DIP2B: variants seen among roughly 807,000 people sequenced by gnomAD.
DIP2B encodes disco-interacting protein 2 homolog B.
Under a neutral mutation model 198.0 loss-of-function variants are expected in DIP2B, and 76 were observed. The ratio of observed to expected loss-of-function variants is 0.38; its 90% confidence interval spans 0.32 to 0.46. The LOEUF (loss-of-function observed/expected upper bound fraction) is 0.46, where lower values mean the gene tolerates loss of function less well. Ranked by LOEUF, DIP2B falls within the 20% of genes least tolerant of loss-of-function variation. The pLI is 0.99. For synonymous variants in DIP2B, 701 were observed against 739.1 expected (o/e 0.95, Z 0.84); for missense variants, 1,559 against 1,978.4 (o/e 0.79, Z 4.02).
At chr12:50,632,518 T>C (rs906541087) in intron 2 of DIP2B, among the ~76,000 whole-genome samples, 32 of 147,880 alleles carry the variant, frequency 2.2e-4, no homozygotes, top group Non-Finnish European at 3.3e-4. Context: ...CACTACTGTC[T>C]TTTTATTTAT....
Position 50,744,568 on chromosome 12 carries a change from A to T in DIP2B, c.4479-19A>T. 1 of 1,610,000 alleles carries T rather than the reference A, an allele frequency of 6.2e-7. No individual in the cohort carries two copies. The highest frequency in any genetic ancestry group is 1.3e-5 in the African/African-American group (1 of 74,934). On this transcript the variant is annotated intron_variant, in intron 37 of 37. Transcript: ENST00000301180. The stretch of plus-strand genomic sequence containing the variant: ...GAAAAATGTAGTGACAAGTTAATGA[A>T]TTGTCATTGAAATTTCAGTGCCGTG...
intron 1 of DIP2B, among the ~76,000 whole-genome samples, chr12:50,551,388 A>C (rs938367503): frequency 6.6e-6 from 1 of 151,954 alleles, no homozygotes; most frequent in African/African-American, 2.4e-5. Context: ...AAGCCACTGC[A>C]CTCCACCCTG....
At position 50,723,185 on chromosome 12, in the gene DIP2B, G is replaced by A. The variant is rs769343537; in HGVS notation, c.3167-17G>A. The A allele has an allele frequency of 1.7e-5, 28 of 1,613,608 alleles. No individual in the cohort carries two copies. The Admixed American group carries it at 3.0e-4, about 17-fold the overall frequency. On this transcript the variant is annotated splice_polypyrimidine_tract_variant and intron_variant, in intron 26 of 37. Coordinates refer to ENST00000301180, the MANE Select transcript of DIP2B (RefSeq NM_173602.3). ...GGCAGTTCAGTGACTCTCCTGACAG[G>A]GTCCTTTGTCTTGCAGGCATTGAGT...
chr12:50,544,411 A>G (rs1014541762), intron 1 of DIP2B, among the ~76,000 whole-genome samples: 1 of 151,998 alleles, frequency 6.6e-6, no homozygotes, highest in Non-Finnish European at 1.5e-5. Context: ...GGTTCAAGCG[A>G]TTCTCCCGCG....
chr12:50,702,214 C>T (rs10459234), intron 19 of DIP2B, among the ~76,000 whole-genome samples: 41,614 of 151,968 alleles, frequency 0.27, 6,109 homozygotes, highest in East Asian at 0.41. Flanking sequence ...GGCATGGTGG[C>T]GGGCGCCTGT....
At chr12:50,557,142 G>A (rs1565823489) in intron 1 of DIP2B, among the ~76,000 whole-genome samples, 1 of 152,076 alleles carries the variant, frequency 6.6e-6, no homozygotes, top group Non-Finnish European at 1.5e-5. Context: ...CCACCTGGTC[G>A]GTATTGTGAG....
chr12:50,514,185 C>G (rs914973452), intron 1 of DIP2B, among the ~76,000 whole-genome samples: 41 of 151,498 alleles, frequency 2.7e-4, no homozygotes, highest in African/African-American at 9.7e-4. Flanking sequence ...CCTGCCTCAG[C>G]CTTCTGAGTA....
At chr12:50,696,573 A>G (rs183805139) in intron 16 of DIP2B, among the ~76,000 whole-genome samples, 25 of 152,330 alleles carry the variant, frequency 1.6e-4, no homozygotes, top group African/African-American at 5.8e-4. Context: ...TCCTTCACAC[A>G]GTAGAATCAG....
chr12:50,542,193 A>T (rs1958332160), intron 1 of DIP2B, among the ~76,000 whole-genome samples: 1 of 144,558 alleles, frequency 6.9e-6, no homozygotes, highest in African/African-American at 2.6e-5. Context: ...GCTTGCAGTG[A>T]GTCGAGATTT....
intron 7 of DIP2B, 124 bp downstream of exon 7, chr12:50,675,572 C>A: frequency 1.1e-6 from 1 of 907,882 alleles, no homozygotes; most frequent in Non-Finnish European, 1.6e-6. Context: ...AAGAGTTCAT[C>A]ATTTTCTGCT....
In DIP2B at chr12:50,728,568, C is replaced by T. The variant is rs200181802; in HGVS notation, c.3531C>T (p.Asn1177=). 3.5e-5 allele frequency: 56 copies of T among 1,613,954 alleles called. No homozygotes were observed. The highest frequency in any genetic ancestry group is 1.7e-4 in the African/African-American group (13 of 75,052). ...TGVKMSHSAV[N]ALCRAIKLQC... is the part of the protein sequence containing the mutation. ...TCCAGATGTCCCACTCTGCAGTGAA[C>T]GCTCTGTGTCGAGCCATCAAGCTCC... The change falls in exon 30 of 38, where the codon AAC becomes AAT. Residue 1177 remains asparagine, a synonymous_variant. Transcript: ENST00000301180.
chr12:50,564,169 T>G (rs997200814), intron 1 of DIP2B, among the ~76,000 whole-genome samples: 2 of 152,156 alleles, frequency 1.3e-5, no homozygotes, highest in Non-Finnish European at 2.9e-5. Flanking sequence ...TGGTACTGTA[T>G]TCTCTTGGTA....
chr12:50,743,274 G>C (rs925262761), intron 37 of DIP2B, among the ~76,000 whole-genome samples: 1 of 152,064 alleles, frequency 6.6e-6, no homozygotes, highest in East Asian at 1.9e-4. Flanking sequence ...GTAGAGACGG[G>C]GTTTCACCAT....
chr12:50,703,408 A>G (rs1939457864), intron 19 of DIP2B, among the ~76,000 whole-genome samples: 2 of 152,140 alleles, frequency 1.3e-5, no homozygotes, highest in South Asian at 4.1e-4. Flanking sequence ...AGGCCAGCCA[A>G]TTAAAATTGA....
At chr12:50,744,088 G>A (rs919085844) in intron 37 of DIP2B, among the ~76,000 whole-genome samples, 15 of 152,094 alleles carry the variant, frequency 9.9e-5, no homozygotes, top group Non-Finnish European at 1.6e-4. Context: ...TGCAACCTCC[G>A]CCTCCTGGGT....
intron 1 of DIP2B, among the ~76,000 whole-genome samples, chr12:50,551,545 G>A (rs1490858070): frequency 6.6e-6 from 1 of 152,198 alleles, no homozygotes; most frequent in African/African-American, 2.4e-5. Flanking sequence ...CCAGGCTCAA[G>A]CCATCCTCCA....
chr12:50,698,057 G>A (rs1246227951), intron 17 of DIP2B, among the ~76,000 whole-genome samples: 1 of 151,838 alleles, frequency 6.6e-6, no homozygotes, highest in Non-Finnish European at 1.5e-5. Flanking sequence ...ATCATACCCA[G>A]CTAATTTTTG....
chr12:50,718,706 C>T lies in DIP2B; in HGVS notation c.2852-3C>T. 1.2e-6 allele frequency: 2 copies of T among 1,613,666 alleles called. No homozygotes were observed. The highest frequency in any genetic ancestry group is 8.5e-7 in the Non-Finnish European group (1 of 1,179,656). ...GTGAGTTGGGTTTTGCATTTATTTA[C>T]AGGTGTAGGCCCTGCTTCCGTGATG... is the stretch of plus-strand genomic sequence containing the variant. On this transcript the variant is annotated splice_region_variant and splice_polypyrimidine_tract_variant and intron_variant, in intron 23 of 37. Transcript: ENST00000301180.
At position 50,678,758 on chromosome 12, in the gene DIP2B, C is replaced by A. The variant is rs1260229008; in HGVS notation, c.996C>A (p.Ile332=). The A allele has an allele frequency of 1.2e-6, 2 of 1,614,192 alleles. No individual in the cohort carries two copies. Among genetic ancestry groups the A allele is most frequent in the Non-Finnish European group, 1.7e-6 (2 of 1,180,026 alleles). The change falls in exon 8 of 38, where the codon ATC becomes ATA. Residue 332 remains isoleucine (I), a synonymous_variant. Coordinates refer to ENST00000301180, the MANE Select transcript of DIP2B (RefSeq NM_173602.3). ...TPVKGEPLGV[I]CNWPPALESA... The stretch of plus-strand genomic sequence containing the variant: ...TGAAAGGAGAGCCTTTAGGAGTCAT[C>A]TGTAACTGGCCTCCTGCTCTTGAAT...
Sources: allele counts gnomAD v4.1 joint callset (sites outside exome capture counted in the v4.1 genomes callset), GRCh38; gene constraint gnomAD v4.1.1; transcripts MANE v1.5; gene names NCBI Gene and HGNC (gene_info 2026-07-23, HGNC 2026-07-21).